Variants in NLRC4 observed in about 807,000 individuals in gnomAD.
The protein encoded by NLRC4 is NLR family CARD domain-containing protein 4.
Under a neutral mutation model 79.9 loss-of-function variants are expected in NLRC4, and 63 were observed. The ratio of observed to expected loss-of-function variants is 0.79; its 90% CI spans 0.64 to 0.97. The LOEUF is 0.97. NLRC4 is among the 50% of genes least tolerant of loss of function. The probability of loss-of-function intolerance (pLI) is 0.00; values close to 1 mark genes in which losing one functional copy is unlikely to be tolerated. For missense variants in NLRC4, 1,074 were observed against 1,215.2 expected, an observed-to-expected ratio of 0.88 and a Z score of 1.73; for synonymous variants, 461 against 456.5, an observed-to-expected ratio of 1.01 and a Z score of -0.12.
rs1391684257 is a variant in NLRC4, at chr2:32,256,764, C to A, written c.1+11G>T. On this transcript the variant is annotated intron_variant, in intron 2 of 8. Coordinates refer to ENST00000402280, the MANE Select transcript of NLRC4 (RefSeq NM_001199138.2). ...GTATAACCAGGCAGATGTTATTTCT[C>A]ATATACTTACTTGTTCTGGATGAAA... The A allele has an allele frequency of 1.3e-6, 1 of 780,932 alleles. No individual in the cohort carries two copies. Among genetic ancestry groups the A allele is most frequent in the Non-Finnish European group, 2.4e-6 (1 of 418,054 alleles). The allele number at this position is 780,932 out of a possible 1,614,324, so 48.4% of individuals were successfully genotyped here.
intron 5 of NLRC4, among the ~76,000 whole-genome samples, chr2:32,239,642 A>G (rs1686750761): frequency 6.6e-6 from 1 of 152,190 alleles, no homozygotes; most frequent in African/African-American, 2.4e-5. Flanking sequence ...TAGCAGAGTA[A>G]CTCTTTAATA....
chr2:32,251,209 G>C lies in NLRC4; in HGVS notation c.655C>G (p.Gln219Glu). The C allele has an allele frequency of 6.2e-7, 1 of 1,614,176 alleles. No homozygotes were observed. Among genetic ancestry groups the C allele is most frequent in the Non-Finnish European group, 8.5e-7 (1 of 1,180,030 alleles). Residue 219 changes from glutamine to glutamate, a missense_variant, in exon 4 of 9, where the codon CAA (glutamine) becomes GAA (glutamate). Gln to Glu is a conservative substitution (Grantham distance 29). Transcript: ENST00000402280. ...ATTGTGCCAGGTATATCCAGGAGTT[G>C]ATCACAGAGGGTTTCAAAAAGTCCA... ...QGGLFETLCD[Q>E]LLDIPGTIRK...
At chr2:32,251,828 A>G (rs182786141) in intron 3 of NLRC4, among the ~76,000 whole-genome samples, 5 of 152,100 alleles carry the variant, frequency 3.3e-5, no homozygotes, top group South Asian at 2.1e-4. Context: ...CCACAACCAA[A>G]TCTTATAGCA....
intron 8 of NLRC4, among the ~76,000 whole-genome samples, chr2:32,225,384 A>G (rs1442184989): frequency 6.8e-6 from 1 of 146,180 alleles, no homozygotes; most frequent in Non-Finnish European, 1.5e-5. Flanking sequence ...CAAAGAATGC[A>G]CACACACACA....
chr2:32,242,977 G>A (rs1686840331), intron 4 of NLRC4, among the ~76,000 whole-genome samples: 1 of 152,092 alleles, frequency 6.6e-6, no homozygotes, highest in Non-Finnish European at 1.5e-5. Flanking sequence ...GAGCCCAGGA[G>A]TTCAAGATTG....
chr2:32,236,642 G>GTC (rs1197993941), intron 6 of NLRC4, among the ~76,000 whole-genome samples: 1 of 152,086 alleles, frequency 6.6e-6, no homozygotes, highest in Non-Finnish European at 1.5e-5. Flanking sequence ...AAATCACTTG[G>GTC]TCTCTCTAAG....
Position 32,241,019 on chromosome 2 carries a change from A to G in NLRC4, c.2350+14T>C. Reference sequence around the variant, plus strand: ...AAACTTACATTGATACAAATATGAGAACAGAAATCTGACCTAGTTTTATAG... The same window carrying G: ...AAACTTACATTGATACAAATATGAGGACAGAAATCTGACCTAGTTTTATAG... On this transcript the variant is annotated intron_variant, in intron 5 of 8. Transcript: ENST00000402280. 6.8e-7 allele frequency: 1 copy of G among 1,473,512 alleles called. No homozygotes were observed. Among genetic ancestry groups the G allele is most frequent in the Non-Finnish European group, 9.5e-7 (1 of 1,053,564 alleles). 91.3% of individuals were successfully genotyped at this position (1,473,512 alleles called of 1,614,324 possible). A position where few individuals can be genotyped will look rare whatever the true frequency, so the allele number is the denominator to read the frequency against.
chr2:32,259,300 G>GTTTTTTT (rs1687284645), intron 1 of NLRC4, among the ~76,000 whole-genome samples: 2 of 58,292 alleles, frequency 3.4e-5, no homozygotes, highest in Non-Finnish European at 6.9e-5. Flanking sequence ...TAGAGACAGA[G>GTTTTTTT]TTTTGCCGTG....
At chr2:32,258,904 C>T (rs545911990) in intron 1 of NLRC4, among the ~76,000 whole-genome samples, 20 of 152,172 alleles carry the variant, frequency 1.3e-4, no homozygotes, top group Middle Eastern at 3.4e-3. Context: ...CGACCCCCTG[C>T]ATCAGGATGA....
chr2:32,246,789 CT>C (rs1192687027), intron 4 of NLRC4, among the ~76,000 whole-genome samples: 1 of 152,166 alleles, frequency 6.6e-6, no homozygotes, highest in Non-Finnish European at 1.5e-5. Context: ...TCTTCTTTTT[CT>C]TTTCTTTTTG....
intron 1 of NLRC4, among the ~76,000 whole-genome samples, chr2:32,262,436 T>C (rs1043891398): frequency 1.3e-5 from 2 of 152,188 alleles, no homozygotes; most frequent in African/African-American, 4.8e-5. Context: ...TCAATCCATA[T>C]ACTGAAGATC....
At chr2:32,228,149 G>C (rs1686447274) in intron 8 of NLRC4, among the ~76,000 whole-genome samples, 1 of 152,192 alleles carries the variant, frequency 6.6e-6, no homozygotes, top group Admixed American at 6.5e-5. Context: ...AAAATAGTGT[G>C]AAGACATGCA....
At chr2:32,246,376 C>T (rs562909670) in intron 4 of NLRC4, among the ~76,000 whole-genome samples, 1 of 152,164 alleles carries the variant, frequency 6.6e-6, no homozygotes, top group South Asian at 2.1e-4. Flanking sequence ...TTCGTGACAC[C>T]CAGAATCTTA....
chr2:32,241,469 C>T (rs1391338813), intron 4 of NLRC4, among the ~76,000 whole-genome samples: 11 of 150,284 alleles, frequency 7.3e-5, no homozygotes, highest in African/African-American at 2.5e-4. Flanking sequence ...CTCCACCTCC[C>T]GGGTTCACAC....
At chr2:32,260,802 C>T (rs577109762) in intron 1 of NLRC4, among the ~76,000 whole-genome samples, 3 of 152,258 alleles carry the variant, frequency 2.0e-5, no homozygotes, top group East Asian at 3.9e-4. Context: ...GTGGAATGGC[C>T]GGCTTCTTCG....
At position 32,242,873 on chromosome 2, in the gene NLRC4, C is replaced by A. The variant is rs554190860; in HGVS notation, c.2258-1748G>T. 1.5e-4 allele frequency among the ~76,000 whole-genome samples: 23 copies of A among 151,812 alleles called. No homozygotes were observed. The South Asian group carries it at 4.8e-3, about 32-fold the overall frequency. ...ACCAGCCTGGGCAATATATCCAGAC[C>A]CTATCCCTACAAAATATTTTTTAAA... On this transcript the variant is annotated intron_variant, in intron 4 of 8. Coordinates refer to ENST00000402280, the MANE Select transcript of NLRC4 (RefSeq NM_001199138.2).
intron 4 of NLRC4, among the ~76,000 whole-genome samples, chr2:32,247,627 A>G: frequency 6.6e-6 from 1 of 151,916 alleles, no homozygotes; most frequent in East Asian, 1.9e-4. Context: ...TAATAAAAAT[A>G]GTTTTAATAT....
rs57570626 is a variant in NLRC4 at position 32,259,262 on chromosome 2, A to ATTTTTTTTTTTTTTTTTTTTT, written c.-118-2390_-118-2370dup. Among the ~76,000 whole-genome samples, 290 of 52,874 alleles carry ATTTTTTTTTTTTTTTTTTTTT rather than the reference A, an allele frequency of 5.5e-3. 45 individuals carry two copies. The highest frequency in any genetic ancestry group is 6.7e-3 in the Non-Finnish European group (196 of 29,468). 34.7% of individuals were successfully genotyped at this position (52,874 alleles called of 152,430 possible). On this transcript the variant is annotated intron_variant, in intron 1 of 8. Transcript: ENST00000402280. ...AGGTGTGTGCCACCATGCCTGGCTA[A>ATTTTTTTTTTTTTTTTTTTTT]TTTTTTTTTTTTTTTTTTTTTTTTT...
At chr2:32,238,062 G>T in intron 6 of NLRC4, 70 bp downstream of exon 6, 1 of 1,079,768 alleles carries the variant, frequency 9.3e-7, no homozygotes, top group Non-Finnish European at 1.3e-6. Flanking sequence ...GACATTTAGT[G>T]TGAATTAGTA....
Sources: allele counts gnomAD v4.1 joint callset (sites outside exome capture counted in the v4.1 genomes callset), GRCh38; gene constraint gnomAD v4.1.1; transcripts MANE v1.5; gene names NCBI Gene and HGNC (gene_info 2026-07-23, HGNC 2026-07-21).